The following SRD5A2 variants were observed in gnomAD, a reference collection of about 807,000 sequenced individuals.
SRD5A2 encodes 3-oxo-5-alpha-steroid 4-dehydrogenase 2.
A neutral mutation model predicts 27.4 loss-of-function variants in SRD5A2; 30 were observed. The ratio of observed to expected loss-of-function variants is 1.10; its 90% CI spans 0.82 to 1.49. SRD5A2 has a LOEUF of 1.49. SRD5A2 is among the 40% of genes most tolerant of loss of function. The probability of loss-of-function intolerance (pLI) is 0.00; values close to 1 mark genes in which losing one functional copy is unlikely to be tolerated. For synonymous variants in SRD5A2, 141 were observed against 133.6 expected (o/e 1.06, Z -0.38); for missense variants, 348 against 323.4 (o/e 1.08, Z -0.58).
chr2:31,661,935 A>T, the SRD5A2 span, among the ~76,000 whole-genome samples: 1 of 152,026 alleles, frequency 6.6e-6, no homozygotes, highest in Non-Finnish European at 1.5e-5. Flanking sequence ...TATCGGCCAA[A>T]CTTCTACTAA....
Position 31,580,746 on chromosome 2 carries a change from G to A in SRD5A2, c.155C>T (p.Ala52Val). The A allele has an allele frequency of 6.2e-7, 1 of 1,610,072 alleles. No homozygotes were observed. Residue 52 changes from alanine to valine, a missense_variant, in exon 1 of 5, where the codon GCC (alanine) becomes GTC (valine). Ala to Val is a moderately conservative substitution (Grantham distance 64). Transcript: ENST00000622030. ...PAATRLPARA[A>V]WFLQELPSFA... is the part of the protein sequence containing the mutation. The stretch of plus-strand genomic sequence containing the variant: ...GGAAGGCAGCTCCTGCAGGAACCAG[G>A]CGGCGCGGGCTGGCAGGCGGGTAGC...
At chr2:31,608,124 T>C in the SRD5A2 span, among the ~76,000 whole-genome samples, 159 of 152,210 alleles carry the variant, frequency 1.0e-3, no homozygotes, top group African/African-American at 3.5e-3. Context: ...CAGCCCAAAC[T>C]GACTAAGACA....
At chr2:31,558,986 A>T (rs1382837199) in intron 1 of SRD5A2, among the ~76,000 whole-genome samples, 1 of 152,214 alleles carries the variant, frequency 6.6e-6, no homozygotes, top group Admixed American at 6.5e-5. Context: ...GGTTCTAGAG[A>T]AAACATGAAT....
chr2:31,558,640 A>G lies in SRD5A2; in HGVS notation c.281+21980T>C, dbSNP rs547929018. Among the ~76,000 whole-genome samples, 8 of 152,324 alleles carry G rather than the reference A, an allele frequency of 5.3e-5. No individual in the cohort carries two copies. The South Asian group carries it at 1.7e-3, about 32-fold the overall frequency. On this transcript the variant is annotated intron_variant, in intron 1 of 4. Transcript: ENST00000622030. ...GGATTTAGAACCTACCTAATCCAGTATGACCTCATCTTAACTACAGTCATG... is the reference window on the plus strand; with the variant it reads ...GGATTTAGAACCTACCTAATCCAGTGTGACCTCATCTTAACTACAGTCATG...
the SRD5A2 span, among the ~76,000 whole-genome samples, chr2:31,596,792 G>A: frequency 1.3e-5 from 2 of 152,190 alleles, no homozygotes; most frequent in African/African-American, 2.4e-5. Context: ...AACCAAGGAC[G>A]TGAAAGACCT....
the SRD5A2 span, among the ~76,000 whole-genome samples, chr2:31,595,636 C>A: frequency 6.6e-6 from 1 of 152,108 alleles, no homozygotes; most frequent in Non-Finnish European, 1.5e-5. Flanking sequence ...CAAAGAAGAA[C>A]TGGTGCCAAT....
the SRD5A2 span, among the ~76,000 whole-genome samples, chr2:31,622,431 T>C: frequency 6.6e-6 from 1 of 152,078 alleles, no homozygotes; most frequent in Admixed American, 6.6e-5. Flanking sequence ...TTCAAAAAGT[T>C]GTTGAGATAC....
chr2:31,536,791 G>A (rs1666036561), intron 1 of SRD5A2, among the ~76,000 whole-genome samples: 1 of 152,172 alleles, frequency 6.6e-6, no homozygotes, highest in Non-Finnish European at 1.5e-5. Flanking sequence ...AGAGTTGTAG[G>A]TGAGTTTCCC....
At chr2:31,658,454 T>C in the SRD5A2 span, among the ~76,000 whole-genome samples, 2 of 151,752 alleles carry the variant, frequency 1.3e-5, no homozygotes, top group Non-Finnish European at 2.9e-5. Flanking sequence ...TAAATAATAT[T>C]GATCGACCAC....
the SRD5A2 span, among the ~76,000 whole-genome samples, chr2:31,640,627 T>C: frequency 5.3e-5 from 8 of 152,202 alleles, no homozygotes; most frequent in Admixed American, 4.6e-4. Context: ...TCCAAAGGGA[T>C]TATCTGGCAG....
the SRD5A2 span, among the ~76,000 whole-genome samples, chr2:31,655,977 G>A: frequency 2.0e-5 from 3 of 152,196 alleles, no homozygotes; most frequent in African/African-American, 7.2e-5. Context: ...CTCTGACGCT[G>A]AGAGAGGAAG....
chr2:31,577,370 C>T (rs1046361863), intron 1 of SRD5A2, among the ~76,000 whole-genome samples: 21 of 152,106 alleles, frequency 1.4e-4, no homozygotes, highest in Admixed American at 1.3e-3. Context: ...TAATTGCTAG[C>T]TCTCCTACAA....
the SRD5A2 span, among the ~76,000 whole-genome samples, chr2:31,642,413 A>G: frequency 6.6e-6 from 1 of 152,036 alleles, no homozygotes; most frequent in Non-Finnish European, 1.5e-5. Flanking sequence ...CAAAAACCCC[A>G]TTAAAATATA....
chr2:31,658,355 A>G, the SRD5A2 span, among the ~76,000 whole-genome samples: 1 of 152,148 alleles, frequency 6.6e-6, no homozygotes, highest in Non-Finnish European at 1.5e-5. Context: ...AAGCTGGCAG[A>G]AGAAAAGAAA....
At chr2:31,597,339 T>C in the SRD5A2 span, among the ~76,000 whole-genome samples, 1 of 151,758 alleles carries the variant, frequency 6.6e-6, no homozygotes, top group Non-Finnish European at 1.5e-5. Context: ...GATCAAAAAC[T>C]TAATTCAAAG....
the SRD5A2 span, among the ~76,000 whole-genome samples, chr2:31,648,259 C>T: frequency 6.6e-6 from 1 of 152,326 alleles, no homozygotes. Flanking sequence ...TTAAAATACT[C>T]ATTTTGGGAA....
At chr2:31,656,104 A>T in the SRD5A2 span, among the ~76,000 whole-genome samples, 1 of 152,190 alleles carries the variant, frequency 6.6e-6, no homozygotes, top group Non-Finnish European at 1.5e-5. Context: ...AAGGAGAGGG[A>T]ATCAAGAAGG....
chr2:31,541,977 G>T (rs908337988), intron 1 of SRD5A2, among the ~76,000 whole-genome samples: 3 of 152,172 alleles, frequency 2.0e-5, no homozygotes, highest in Non-Finnish European at 4.4e-5. Flanking sequence ...TAAGTGCTCT[G>T]GGATCCTAAA....
rs1338274192 is a variant in SRD5A2, at chr2:31,531,436, A to G, written c.482T>C (p.Ile161Thr). Residue 161 changes from isoleucine (I) to threonine (T), a missense_variant, in exon 3 of 5, where the codon ATT (isoleucine) becomes ACT (threonine). Coordinates refer to ENST00000622030, the MANE Select transcript of SRD5A2 (RefSeq NM_000348.4). ...CTGGCGCAATATATAGTCACTATGAATGTTTATTCCCATTCCCAAAATAAA... is the reference window on the plus strand; with the variant it reads ...CTGGCGCAATATATAGTCACTATGAGTGTTTATTCCCATTCCCAAAATAAA... The part of the protein sequence containing the change: ...FLFILGMGIN[I>T]HSDYILRQLR... The G allele has an allele frequency of 1.2e-6, 2 of 1,601,372 alleles. No individual in the cohort carries two copies. Among genetic ancestry groups the G allele is most frequent in the Non-Finnish European group, 1.7e-6 (2 of 1,173,540 alleles).
Sources: allele counts gnomAD v4.1 joint callset (sites outside exome capture counted in the v4.1 genomes callset), GRCh38; gene constraint gnomAD v4.1.1; transcripts MANE v1.5; gene names NCBI Gene and HGNC (gene_info 2026-07-23, HGNC 2026-07-21).